The following ADPRM variants were observed in gnomAD, a reference collection of about 807,000 sequenced individuals.
ADPRM encodes the protein ADP-ribose/CDP-alcohol diphosphatase, manganese dependent, also known as manganese-dependent ADP-ribose/CDP-alcohol diphosphatase.
In ADPRM, 17 loss-of-function variants were observed where a neutral mutation model predicts 27.2. The observed-to-expected ratio is 0.63, with a 90% CI of 0.43 to 0.94. The LOEUF (loss-of-function observed/expected upper bound fraction) is 0.94, where lower values mean the gene tolerates loss of function less well. Ranked by LOEUF, ADPRM falls within the 40% of genes least tolerant of loss-of-function variation. The probability of loss-of-function intolerance (pLI) is 0.00; values close to 1 mark genes in which losing one functional copy is unlikely to be tolerated. For synonymous variants in ADPRM, 135 were observed against 145.3 expected, an observed-to-expected ratio of 0.93 and a Z score of 0.51; for missense variants, 337 against 412.8, an observed-to-expected ratio of 0.82 and a Z score of 1.59.
Position 10,705,793 on chromosome 17 carries a change from T to C in ADPRM, c.601+266T>C. On this transcript the variant is annotated intron_variant, in intron 2 of 3. Transcript: ENST00000379774. The surrounding 1 kb of genome is among the most constrained non-coding windows in gnomAD (Gnocchi z 5.4). Reference sequence around the variant, plus strand: ...AAACAATACTAACAATATTACTTTTTTGATGGATGGAATGGAGGGAACAAA... The same window carrying C: ...AAACAATACTAACAATATTACTTTTCTGATGGATGGAATGGAGGGAACAAA... 1 of 463,078 alleles carries C rather than the reference T, an allele frequency of 2.2e-6. No individual in the cohort carries two copies. Among genetic ancestry groups the C allele is most frequent in the East Asian group, 4.1e-5 (1 of 24,238 alleles). The allele number at this position is 463,078 out of a possible 1,614,324, so 28.7% of individuals were successfully genotyped here.
At chr17:10,708,524 C>T (rs2074830016) in intron 3 of ADPRM, among the ~76,000 whole-genome samples, 1 of 147,448 alleles carries the variant, frequency 6.8e-6, no homozygotes, top group Non-Finnish European at 1.5e-5. Flanking sequence ...GTAGTTTTTA[C>T]TTACTAATCT....
intron 3 of ADPRM, among the ~76,000 whole-genome samples, chr17:10,710,226 C>CTCAA (rs2074842101): frequency 1.3e-5 from 2 of 152,292 alleles, no homozygotes; most frequent in South Asian, 4.1e-4. Context: ...CTCAGCCTCC[C>CTCAA]GAGTAGCTGG....
At position 10,705,395 on chromosome 17, in the gene ADPRM, A is replaced by G. The variant is rs1483859510; in HGVS notation, c.469A>G (p.Lys157Glu). Residue 157 changes from lysine to glutamate, a missense_variant, in exon 2 of 4, where the codon AAA becomes GAA. Lys to Glu is a moderately conservative substitution (Grantham distance 56, BLOSUM62 1). Transcript: ENST00000379774. This position sits in a 1 kb window ranked among gnomAD's most constrained non-coding sequence, Gnocchi z 5.4. ...TGCTTATCATTTTGTACCATTCCCTAAATTCCGGTTCATTTTACTTGATGC... is the reference window on the plus strand; with the variant it reads ...TGCTTATCATTTTGTACCATTCCCTGAATTCCGGTTCATTTTACTTGATGC... ...YYAYHFVPFP[K>E]FRFILLDAYD... The G allele has an allele frequency of 6.2e-7, 1 of 1,614,008 alleles. No individual in the cohort carries two copies. The highest frequency in any genetic ancestry group is 2.2e-5 in the East Asian group (1 of 44,866).
At position 10,705,861 on chromosome 17, in the gene ADPRM, A is replaced by C; in HGVS notation, c.601+334A>C. On this transcript the variant is annotated intron_variant, in intron 2 of 3. Transcript: ENST00000379774. This position sits in a 1 kb window ranked among gnomAD's most constrained non-coding sequence, Gnocchi z 5.4. ...ACAGATGATAAATGAAACAGAAACAAGATTATTTCCACGGTCGTAAGTGCT... is the reference window on the plus strand; with the variant it reads ...ACAGATGATAAATGAAACAGAAACACGATTATTTCCACGGTCGTAAGTGCT... 6.4e-6 allele frequency: 2 copies of C among 312,244 alleles called. No homozygotes were observed. The highest frequency in any genetic ancestry group is 1.2e-5 in the Non-Finnish European group (2 of 166,508). The allele number at this position is 312,244 out of a possible 1,614,324, so 19.3% of individuals were successfully genotyped here.
chr17:10,707,032 C>T (rs897412112), intron 3 of ADPRM, among the ~76,000 whole-genome samples: 1 of 152,062 alleles, frequency 6.6e-6, no homozygotes, highest in Non-Finnish European at 1.5e-5. Context: ...TTGGCTTTTT[C>T]TAAGTTTCTT....
In ADPRM at chr17:10,711,226, GT is replaced by G; in HGVS notation, c.*85del. On this transcript the variant is annotated 3_prime_UTR_variant, in exon 4 of 4. Transcript: ENST00000379774. ...AAAAATAAAAATCCTCTGTCTCATT[GT>G]TTAGTATTCAGCTTGCATAACAAAA... The G allele has an allele frequency of 9.0e-7, 1 of 1,106,536 alleles. No homozygotes were observed. The highest frequency in any genetic ancestry group is 1.3e-6 in the Non-Finnish European group (1 of 784,750). 68.5% of individuals were successfully genotyped at this position (1,106,536 alleles called of 1,614,324 possible). A position where few individuals can be genotyped will look rare whatever the true frequency, so the allele number is the denominator to read the frequency against.
At chr17:10,708,173 G>A (rs977580616) in intron 3 of ADPRM, among the ~76,000 whole-genome samples, 6 of 152,086 alleles carry the variant, frequency 3.9e-5, no homozygotes, top group South Asian at 2.1e-4. Flanking sequence ...ACTCACGCCC[G>A]TAATCCCAGC....
rs189737672 is a variant in ADPRM, at chr17:10,697,925, C to T, written c.-18+258C>T. ...CCTAGAGACCCACGGGACTGGGCAG[C>T]CCCCATAACCCTACCTTGTCTGGCC... On this transcript the variant is annotated intron_variant, in intron 1 of 3. Coordinates refer to ENST00000379774, the MANE Select transcript of ADPRM (RefSeq NM_020233.5). 1.2e-3 allele frequency: 249 copies of T among 205,934 alleles called. 2 individuals are homozygous for T. The East Asian group carries it at 0.034, about 28-fold the overall frequency. The allele number at this position is 205,934 out of a possible 1,614,324, so 12.8% of individuals were successfully genotyped here. A position where few individuals can be genotyped will look rare whatever the true frequency, so the allele number is the denominator to read the frequency against.
rs970938560 is a variant in ADPRM at position 10,705,958 on chromosome 17, A to G, written c.601+431A>G. 4 of 199,798 alleles carry G rather than the reference A, an allele frequency of 2.0e-5. No homozygotes were observed. In the East Asian group the frequency reaches 5.1e-4, roughly 25 times the overall value. 12.4% of individuals were successfully genotyped at this position (199,798 alleles called of 1,614,324 possible). A position where few individuals can be genotyped will look rare whatever the true frequency, so the allele number is the denominator to read the frequency against. On this transcript the variant is annotated intron_variant, in intron 2 of 3. Transcript: ENST00000379774. This position sits in a 1 kb window ranked among gnomAD's most constrained non-coding sequence, Gnocchi z 5.4. Reference sequence around the variant, plus strand: ...TAGGGTTGCTATTTTAGATTAGGTGATTAGGGAAGGTCTCTCCAAGGAGAA... The same window carrying G: ...TAGGGTTGCTATTTTAGATTAGGTGGTTAGGGAAGGTCTCTCCAAGGAGAA...
At chr17:10,706,245 CTG>C (rs2074811705) in intron 2 of ADPRM, among the ~76,000 whole-genome samples, 191 bp from the exon 3 acceptor site, 1 of 152,096 alleles carries the variant, frequency 6.6e-6, no homozygotes. Context: ...AAGCAGGGGA[CTG>C]TCAAGAGTGA....
At position 10,711,044 on chromosome 17, in the gene ADPRM, G is replaced by T. The variant is rs1265382124; in HGVS notation, c.929G>T (p.Gly310Val). Residue 310 changes from glycine to valine, a missense_variant, in exon 4 of 4, where the codon GGC (glycine) becomes GTC (valine). Coordinates refer to ENST00000379774, the MANE Select transcript of ADPRM (RefSeq NM_020233.5). ...ACAGCTCCAGACAGCCAAGCCTTTG[G>T]CACAGTTCATGTCTATCCTGACAAA... is the stretch of plus-strand genomic sequence containing the variant. Reference protein sequence around the residue: ...IETAPDSQAFGTVHVYPDKMM... With the variant: ...IETAPDSQAFVTVHVYPDKMM... The T allele has an allele frequency of 6.2e-7, 1 of 1,614,136 alleles. No homozygotes were observed. The highest frequency in any genetic ancestry group is 1.3e-5 in the African/African-American group (1 of 75,030).
chr17:10,710,032 G>A (rs1013089028), intron 3 of ADPRM, among the ~76,000 whole-genome samples: 2 of 152,170 alleles, frequency 1.3e-5, no homozygotes, highest in Non-Finnish European at 2.9e-5. Flanking sequence ...AAATCAGTTC[G>A]GAGGCATTGT....
At chr17:10,709,256 A>G (rs1479902261) in intron 3 of ADPRM, among the ~76,000 whole-genome samples, 1 of 152,174 alleles carries the variant, frequency 6.6e-6, no homozygotes, top group Non-Finnish European at 1.5e-5. Flanking sequence ...GAAGTTTCAG[A>G]TGCCTACTAG....
rs368854502 is a variant in ADPRM, at chr17:10,710,998, A to G, written c.883A>G (p.Asn295Asp). 7.4e-6 allele frequency: 12 copies of G among 1,614,146 alleles called. No individual in the cohort carries two copies. Among genetic ancestry groups the G allele is most frequent in the Non-Finnish European group, 1.0e-5 (12 of 1,180,032 alleles). ...SEDPFGVYHV[N>D]LEGVIETAPD... Reference sequence around the variant, plus strand: ...GGATCCTTTTGGTGTATACCACGTCAACCTAGAAGGAGTTATTGAAACAGC... The same window carrying G: ...GGATCCTTTTGGTGTATACCACGTCGACCTAGAAGGAGTTATTGAAACAGC... Residue 295 changes from asparagine (N) to aspartate (D), a missense_variant, in exon 4 of 4, where the codon AAC becomes GAC. Asn to Asp is a conservative substitution (Grantham distance 23, BLOSUM62 1). Transcript: ENST00000379774.
At chr17:10,709,855 C>T (rs2151465135) in intron 3 of ADPRM, among the ~76,000 whole-genome samples, 1 of 152,262 alleles carries the variant, frequency 6.6e-6, no homozygotes, top group East Asian at 1.9e-4. Flanking sequence ...AGAGTGAGAA[C>T]CGTGGCTTGA....
intron 1 of ADPRM, among the ~76,000 whole-genome samples, chr17:10,703,941 C>T (rs1336021642): frequency 6.6e-6 from 1 of 152,096 alleles, no homozygotes; most frequent in Non-Finnish European, 1.5e-5. Flanking sequence ...TTTTTGGCCA[C>T]TGAGGCAGGG....
Position 10,705,171 on chromosome 17 carries a change from A to G in ADPRM, c.245A>G (p.Gln82Arg). Reference protein sequence around the residue: ...LGDIIDGYNAQYNASKKSLEL... With the variant: ...LGDIIDGYNARYNASKKSLEL... Reference sequence around the variant, plus strand: ...GATATCATCGATGGATATAATGCACAGTATAATGCATCCAAAAAGTCCCTA... The same window carrying G: ...GATATCATCGATGGATATAATGCACGGTATAATGCATCCAAAAAGTCCCTA... Residue 82 changes from glutamine (Q) to arginine (R), a missense_variant, in exon 2 of 4, where the codon CAG becomes CGG. By Grantham distance (43) the Gln-to-Arg change is conservative (BLOSUM62 1). Coordinates refer to ENST00000379774, the MANE Select transcript of ADPRM (RefSeq NM_020233.5). The surrounding 1 kb of genome is among the most constrained non-coding windows in gnomAD (Gnocchi z 5.4). 6.2e-7 allele frequency: 1 copy of G among 1,614,166 alleles called. No homozygotes were observed. Among genetic ancestry groups the G allele is most frequent in the South Asian group, 1.1e-5 (1 of 91,084 alleles).
intron 1 of ADPRM, chr17:10,698,252 T>G (rs1377936970): frequency 6.6e-6 from 1 of 152,232 alleles, no homozygotes; most frequent in Non-Finnish European, 1.5e-5. Context: ...CTTAAAATAC[T>G]CTCACGGACT....
At chr17:10,700,475 A>T (rs938095052) in intron 1 of ADPRM, among the ~76,000 whole-genome samples, 10 of 151,120 alleles carry the variant, frequency 6.6e-5, no homozygotes, top group Non-Finnish European at 3.0e-5. Flanking sequence ...ATGATCTTGT[A>T]GTAACTTTTC....
Sources: allele counts gnomAD v4.1 joint callset (sites outside exome capture counted in the v4.1 genomes callset), GRCh38; gene constraint gnomAD v4.1.1; non-coding constraint Gnocchi (gnomAD v3.1); transcripts MANE v1.5; gene names NCBI Gene and HGNC (gene_info 2026-07-23, HGNC 2026-07-21).